Variants in AMOTL1 observed in about 807,000 individuals in gnomAD.
AMOTL1 encodes the protein angiomotin-like protein 1.
In AMOTL1, 45 loss-of-function variants were observed where a neutral mutation model predicts 102.9. The ratio of observed to expected loss-of-function variants is 0.44; its 90% CI spans 0.34 to 0.56. The LOEUF is 0.56. AMOTL1 is among the 20% of genes least tolerant of loss of function. The pLI is 0.01. For missense variants in AMOTL1, 1,114 were observed against 1,225.6 expected (o/e 0.91, Z 1.36); for synonymous variants, 481 against 484.7 (o/e 0.99, Z 0.10).
At chr11:94,745,934 A>G (rs1950584783) in intron 3 of AMOTL1, among the ~76,000 whole-genome samples, 1 of 152,142 alleles carries the variant, frequency 6.6e-6, no homozygotes, top group Non-Finnish European at 1.5e-5. Context: ...GGAATTATTT[A>G]GTGATTCGTC....
intron 1 of AMOTL1, among the ~76,000 whole-genome samples, chr11:94,794,004 T>C (rs1302206991): frequency 6.6e-6 from 1 of 152,216 alleles, no homozygotes; most frequent in Non-Finnish European, 1.5e-5. Context: ...GGTCGTTTGG[T>C]ATCAATAATT....
At chr11:94,850,685 TGAA>T (rs560461465) in intron 7 of AMOTL1, among the ~76,000 whole-genome samples, 29 of 152,244 alleles carry the variant, frequency 1.9e-4, no homozygotes, top group East Asian at 9.7e-4. Context: ...AGGCTATAGA[TGAA>T]GAAGAAGAAA....
intron 6 of AMOTL1, among the ~76,000 whole-genome samples, chr11:94,836,550 A>T (rs1952185894): frequency 6.6e-6 from 1 of 152,206 alleles, no homozygotes; most frequent in African/African-American, 2.4e-5. Flanking sequence ...AAGAGTGGAA[A>T]ATCCTGGTGA....
intron 11 of AMOTL1, 45 bp downstream of exon 11, chr11:94,866,213 C>T: frequency 6.4e-7 from 1 of 1,573,502 alleles, no homozygotes; most frequent in Non-Finnish European, 8.7e-7. Context: ...AAAGCAAGAC[C>T]AGACAGCTTC....
intron 1 of AMOTL1, among the ~76,000 whole-genome samples, chr11:94,780,560 T>C (rs1171727466): frequency 6.6e-6 from 1 of 152,250 alleles, no homozygotes; most frequent in Non-Finnish European, 1.5e-5. Flanking sequence ...CTTGCTGCTG[T>C]TCTATTTTAA....
At position 94,768,445 on chromosome 11, in the gene AMOTL1, C is replaced by T. The variant is rs745404104; in HGVS notation, c.-67C>T. 4 of 1,549,208 alleles carry T rather than the reference C, an allele frequency of 2.6e-6. No individual in the cohort carries two copies. The African/African-American group carries it at 4.1e-5, about 16-fold the overall frequency. The stretch of plus-strand genomic sequence containing the variant: ...TGTGAATGGGGTTGATTGTCCGGCG[C>T]CACTTCCCCGCGCTGCCCGGCAGCC... On this transcript the variant is annotated 5_prime_UTR_variant, in exon 1 of 13. Coordinates refer to ENST00000433060, the MANE Select transcript of AMOTL1 (RefSeq NM_130847.3).
rs376215496 is a variant in AMOTL1 at position 94,864,869 on chromosome 11, C to A, written c.2261+9C>A. 1 of 1,611,018 alleles carries A rather than the reference C, an allele frequency of 6.2e-7. No homozygotes were observed. The highest frequency in any genetic ancestry group is 8.5e-7 in the Non-Finnish European group (1 of 1,178,222). ...CAGGACATGGAATACACGTAAGGGA[C>A]GACTATGTGTGACGTGTGGGGCCCG... On this transcript the variant is annotated intron_variant, in intron 10 of 12. Transcript: ENST00000433060.
chr11:94,799,824 G>A lies in AMOTL1; in HGVS notation c.634G>A (p.Gly212Arg), dbSNP rs374762418. ...RGQQQQQQQQ[G>R]AVGHGYYMAG... Reference sequence around the variant, plus strand: ...GCAGCAGCAGCAGCAACAGCAGCAGGGGGCGGTGGGCCATGGTTACTACAT... The same window carrying A: ...GCAGCAGCAGCAGCAACAGCAGCAGAGGGCGGTGGGCCATGGTTACTACAT... Residue 212 changes from glycine (G) to arginine (R), a missense_variant, in exon 3 of 13, where the codon GGG becomes AGG. By Grantham distance (125) the Gly-to-Arg change is moderately radical (BLOSUM62 -2). Transcript: ENST00000433060. This position sits in a 1 kb window ranked among gnomAD's most constrained non-coding sequence, Gnocchi z 4.5. 6.3e-7 allele frequency: 1 copy of A among 1,595,226 alleles called. No individual in the cohort carries two copies. Among genetic ancestry groups the A allele is most frequent in the African/African-American group, 1.3e-5 (1 of 74,616 alleles).
At chr11:94,770,664 A>G (rs1950936008) in intron 1 of AMOTL1, among the ~76,000 whole-genome samples, 1 of 152,150 alleles carries the variant, frequency 6.6e-6, no homozygotes, top group Admixed American at 6.5e-5. Context: ...ATGATGGAGG[A>G]TGTAGCATAC....
intron 3 of AMOTL1, among the ~76,000 whole-genome samples, chr11:94,814,056 G>A (rs552619573): frequency 1.3e-5 from 2 of 152,250 alleles, no homozygotes; most frequent in African/African-American, 4.8e-5. Flanking sequence ...AGGTAGCTTC[G>A]GGTGGGGCTT....
chr11:94,731,353 G>A (rs933566362), intron 2 of AMOTL1, among the ~76,000 whole-genome samples: 1 of 152,144 alleles, frequency 6.6e-6, no homozygotes, highest in Non-Finnish European at 1.5e-5. Flanking sequence ...CAGACACAAG[G>A]AATCAGTGTG....
At chr11:94,829,871 T>C (rs1952038749) in intron 4 of AMOTL1, among the ~76,000 whole-genome samples, 179 bp from the exon 5 acceptor site, 1 of 152,218 alleles carries the variant, frequency 6.6e-6, no homozygotes, top group South Asian at 2.1e-4. Context: ...TAATGTAGTC[T>C]TTAGAGAGCA....
Position 94,870,984 on chromosome 11 carries a change from T to G in AMOTL1, c.*189T>G, listed in dbSNP as rs896031669. ...CTACATGACTGAAGATAGAAGAGAA[T>G]GCGATGGATTTTATTACACATGGTG... On this transcript the variant is annotated 3_prime_UTR_variant, in exon 13 of 13. Transcript: ENST00000433060. 6.1e-6 allele frequency: 3 copies of G among 489,720 alleles called. No individual in the cohort carries two copies. Among genetic ancestry groups the G allele is most frequent in the African/African-American group, 3.8e-5 (2 of 52,286 alleles). 30.3% of individuals were successfully genotyped at this position (489,720 alleles called of 1,614,324 possible).
chr11:94,736,723 T>G (rs1302173465), intron 2 of AMOTL1, among the ~76,000 whole-genome samples: 1 of 152,216 alleles, frequency 6.6e-6, no homozygotes, highest in Admixed American at 6.5e-5. Context: ...ATCCGTAAAC[T>G]TGTGCACTGT....
intron 12 of AMOTL1, 102 bp downstream of exon 12, chr11:94,869,575 C>A: frequency 7.5e-7 from 1 of 1,341,176 alleles, no homozygotes; most frequent in Non-Finnish European, 1.0e-6. Context: ...CACCCATCAG[C>A]TCTTACTCTA....
intron 2 of AMOTL1, chr11:94,729,126 T>G: frequency 3.6e-6 from 4 of 1,122,946 alleles, no homozygotes; most frequent in Non-Finnish European, 4.8e-6. Context: ...GTCAATCCAC[T>G]GTACTCAGTA....
At chr11:94,751,952 G>A (rs1275464265) in intron 3 of AMOTL1, among the ~76,000 whole-genome samples, 1 of 152,118 alleles carries the variant, frequency 6.6e-6, no homozygotes, top group African/African-American at 2.4e-5. Context: ...TTCATCAGTT[G>A]TTAAGCACTA....
intron 2 of AMOTL1, among the ~76,000 whole-genome samples, chr11:94,735,679 A>G (rs1242376690): frequency 6.6e-6 from 1 of 152,160 alleles, no homozygotes; most frequent in Non-Finnish European, 1.5e-5. Context: ...TGTTTAAACA[A>G]TTCGTATACA....
At position 94,713,034 on chromosome 11, in the gene AMOTL1, G is replaced by GT. The variant is rs542662879; in HGVS notation, c.-51+6446dup. On this transcript the variant is annotated intron_variant, in intron 1 of 4. Transcript: ENST00000299004. ...AATATGTCAAGTTTAGTCAAATTTA[G>GT]TTTTTTTTTGTTTTTTGTTTTGTTT... 1.3e-3 allele frequency among the ~76,000 whole-genome samples: 200 copies of GT among 150,592 alleles called. 1 individual carries two copies. The highest frequency in any genetic ancestry group is 3.4e-3 in the Middle Eastern group (1 of 292).
Sources: gnomAD v4.1 joint callset for allele counts (sites outside exome capture counted in the v4.1 genomes callset) on GRCh38, gnomAD v4.1.1 for gene constraint, Gnocchi (gnomAD v3.1) non-coding constraint, MANE v1.5 for transcripts, NCBI Gene and HGNC (gene_info 2026-07-23, HGNC 2026-07-21) for gene names.